Variants in RBFOX1 observed in about 807,000 individuals in gnomAD.
The protein encoded by RBFOX1 is RNA binding protein fox-1 homolog 1.
RBFOX1 carries 8 observed loss-of-function variants against 57.7 expected under a neutral mutation model. The observed-to-expected ratio is 0.14, with a 90% CI of 0.08 to 0.25. The LOEUF (loss-of-function observed/expected upper bound fraction) is 0.25. Among genes scored for constraint, RBFOX1 ranks in the 10% least tolerant of loss-of-function variants. The pLI is 1.00. For missense variants in RBFOX1, 611 were observed against 548.5 expected, an observed-to-expected ratio of 1.11 and a Z score of -1.14; for synonymous variants, 326 against 222.4, an observed-to-expected ratio of 1.47 and a Z score of -4.15.
intron 3 of RBFOX1, among the ~76,000 whole-genome samples, chr16:6,899,659 C>T (rs557645092): frequency 2.6e-5 from 4 of 152,344 alleles, no homozygotes; most frequent in East Asian, 1.9e-4. Context: ...TCCATACCTC[C>T]TCAAGCAAGT....
intron 3 of RBFOX1, among the ~76,000 whole-genome samples, chr16:5,666,451 C>T (rs895034389): frequency 2.6e-5 from 4 of 152,286 alleles, no homozygotes; most frequent in South Asian, 2.1e-4. Context: ...CACTTTGTTC[C>T]CTGGATCTCT....
chr16:7,333,017 G>C, intron 4 of RBFOX1: 1 of 1,613,754 alleles, frequency 6.2e-7, no homozygotes. Flanking sequence ...GGCGTCTCAA[G>C]GAGTTCTCCT....
At chr16:7,075,319 A>G (rs2058096590) in intron 4 of RBFOX1, among the ~76,000 whole-genome samples, 1 of 152,208 alleles carries the variant, frequency 6.6e-6, no homozygotes, top group Non-Finnish European at 1.5e-5. Flanking sequence ...TTTATAGAGC[A>G]CTGAGAGGTT....
At chr16:5,447,565 T>G (rs1425645421) in intron 1 of RBFOX1, among the ~76,000 whole-genome samples, 3 of 151,900 alleles carry the variant, frequency 2.0e-5, no homozygotes, top group Non-Finnish European at 4.4e-5. Flanking sequence ...GCCCCCCTAA[T>G]TTTTGTATTT....
chr16:6,334,257 T>C (rs1043352728), intron 2 of RBFOX1, among the ~76,000 whole-genome samples: 3 of 151,988 alleles, frequency 2.0e-5, no homozygotes, highest in Non-Finnish European at 4.4e-5. Context: ...CCTGTAATCC[T>C]AGCGCTTTGG....
At chr16:6,087,909 C>T (rs2096112588) in intron 1 of RBFOX1, among the ~76,000 whole-genome samples, 1 of 152,140 alleles carries the variant, frequency 6.6e-6, no homozygotes, top group African/African-American at 2.4e-5. Context: ...CCTCGGCCTC[C>T]CAAAATGCTG....
rs577636684 is a variant in RBFOX1, at chr16:7,534,267, A to G, written c.270+15878A>G. ...ACACCCAGTTAATTTTTTTTTTTGT[A>G]TTTTTAGTAGAGATGGGGTTTCACC... On this transcript the variant is annotated intron_variant, in intron 5 of 15. Transcript: ENST00000550418. 2.0e-5 allele frequency among the ~76,000 whole-genome samples: 3 copies of G among 148,950 alleles called. No homozygotes were observed. The East Asian group carries it at 6.0e-4, about 30-fold the overall frequency.
At chr16:5,412,032 C>A (rs2067035550) in intron 1 of RBFOX1, among the ~76,000 whole-genome samples, 1 of 152,182 alleles carries the variant, frequency 6.6e-6, no homozygotes, top group Non-Finnish European at 1.5e-5. Flanking sequence ...CGGGCAGTTT[C>A]TTTGAGTACC....
intron 2 of RBFOX1, among the ~76,000 whole-genome samples, chr16:5,509,652 C>A (rs1458193534): frequency 6.6e-6 from 1 of 152,168 alleles, no homozygotes; most frequent in Admixed American, 6.5e-5. Context: ...CCAGTATCAC[C>A]ACGCAGACAG....
intron 4 of RBFOX1, among the ~76,000 whole-genome samples, chr16:7,153,618 G>A (rs540765137): frequency 4.0e-5 from 6 of 151,548 alleles, no homozygotes; most frequent in African/African-American, 1.2e-4. Context: ...TGGGGGGAGG[G>A]GGGCGCCTAT....
intron 2 of RBFOX1, among the ~76,000 whole-genome samples, chr16:6,654,248 A>T (rs1038214541): frequency 1.3e-5 from 2 of 152,156 alleles, no homozygotes; most frequent in African/African-American, 2.4e-5. Flanking sequence ...CTAAATTTTG[A>T]ATGGGAGAGA....
chr16:6,655,369 G>T (rs1281777441), intron 3 of RBFOX1, among the ~76,000 whole-genome samples: 1 of 14,910 alleles, frequency 6.7e-5, no homozygotes, highest in African/African-American at 2.2e-4. Flanking sequence ...ATAAGCCTCC[G>T]TTTCAAAAAA....
intron 1 of RBFOX1, among the ~76,000 whole-genome samples, chr16:6,207,381 T>C (rs557414870): frequency 5.7e-4 from 87 of 152,352 alleles, no homozygotes; most frequent in Admixed American, 1.1e-3. Flanking sequence ...CATTTATCTC[T>C]GCATAATTCA....
At chr16:5,645,422 A>T (rs1341121367) in intron 3 of RBFOX1, among the ~76,000 whole-genome samples, 1 of 152,168 alleles carries the variant, frequency 6.6e-6, no homozygotes, top group Admixed American at 6.6e-5. Context: ...GAGAGCTGGG[A>T]TGAGGTTTCT....
intron 4 of RBFOX1, among the ~76,000 whole-genome samples, chr16:6,000,860 G>C (rs925113560): frequency 6.8e-6 from 1 of 146,110 alleles, no homozygotes; most frequent in Non-Finnish European, 1.5e-5. Context: ...TGGACAGGTA[G>C]GTGGGTGGAT....
intron 4 of RBFOX1, among the ~76,000 whole-genome samples, chr16:7,416,860 C>G (rs990310649): frequency 6.6e-6 from 1 of 152,094 alleles, no homozygotes; most frequent in African/African-American, 2.4e-5. Flanking sequence ...CACATATTAT[C>G]TCATTCAATC....
intron 4 of RBFOX1, among the ~76,000 whole-genome samples, chr16:5,908,565 C>CCAATTTCACCATAT (rs2058535271): frequency 6.6e-6 from 1 of 151,966 alleles, no homozygotes; most frequent in Non-Finnish European, 1.5e-5. Context: ...ATTGGCCTGG[C>CCAATTTCACCATAT]TGGTCTCGAA....
intron 4 of RBFOX1, among the ~76,000 whole-genome samples, chr16:7,177,718 C>T (rs866297318): frequency 6.6e-6 from 1 of 152,106 alleles, no homozygotes; most frequent in Non-Finnish European, 1.5e-5. Context: ...CTGTGAGGAG[C>T]CAGGTCATAA....
chr16:6,774,824 T>C (rs961677978), intron 3 of RBFOX1, among the ~76,000 whole-genome samples: 5 of 152,082 alleles, frequency 3.3e-5, no homozygotes, highest in Non-Finnish European at 1.5e-5. Flanking sequence ...CCATGAGCCG[T>C]ATGGGCCTAC....
Sources: allele counts gnomAD v4.1 joint callset (sites outside exome capture counted in the v4.1 genomes callset), GRCh38; gene constraint gnomAD v4.1.1; transcripts MANE v1.5; gene names NCBI Gene and HGNC (gene_info 2026-07-23, HGNC 2026-07-21).